SLC35F3: variants seen among roughly 807,000 people sequenced by gnomAD.
SLC35F3 encodes putative thiamine transporter SLC35F3.
Under a neutral mutation model 49.9 loss-of-function variants are expected in SLC35F3, and 25 were observed. The ratio of observed to expected loss-of-function variants is 0.50; its 90% CI spans 0.37 to 0.70. SLC35F3 has a LOEUF of 0.70. Among genes scored for constraint, SLC35F3 ranks in the 30% least tolerant of loss-of-function variants. The probability of loss-of-function intolerance (pLI) is 0.00; values close to 1 mark genes in which losing one functional copy is unlikely to be tolerated. For synonymous variants in SLC35F3, 275 were observed against 265.4 expected (o/e 1.04, Z -0.35); for missense variants, 525 against 639.8 (o/e 0.82, Z 1.94).
intron 2 of SLC35F3, among the ~76,000 whole-genome samples, chr1:234,134,607 G>A (rs72758239): frequency 6.6e-6 from 1 of 151,806 alleles, no homozygotes; most frequent in African/African-American, 2.4e-5. Flanking sequence ...TCTCAACCCT[G>A]CCTGCACATT....
intron 3 of SLC35F3, among the ~76,000 whole-genome samples, chr1:234,245,735 T>C (rs1322176388): frequency 6.6e-6 from 1 of 152,192 alleles, no homozygotes; most frequent in East Asian, 1.9e-4. Flanking sequence ...ATGGGCCACC[T>C]AAGCTGGAGC....
At chr1:234,199,264 G>C (rs189763143) in intron 2 of SLC35F3, among the ~76,000 whole-genome samples, 1 of 152,136 alleles carries the variant, frequency 6.6e-6, no homozygotes, top group African/African-American at 2.4e-5. Context: ...AACAAAAGTC[G>C]TAATGGCACT....
At chr1:234,148,492 A>G (rs1004143990) in intron 2 of SLC35F3, among the ~76,000 whole-genome samples, 1 of 152,210 alleles carries the variant, frequency 6.6e-6, no homozygotes, top group Non-Finnish European at 1.5e-5. Flanking sequence ...CAGAAAATCT[A>G]TACCTCAAAA....
At chr1:233,942,629 G>A (rs1174797336) in intron 2 of SLC35F3, among the ~76,000 whole-genome samples, 1 of 152,070 alleles carries the variant, frequency 6.6e-6, no homozygotes, top group Non-Finnish European at 1.5e-5. Context: ...GCCCAAGCTG[G>A]TCTCAAACTC....
Position 234,046,376 on chromosome 1 carries a change from G to A in SLC35F3, c.283+140618G>A, listed in dbSNP as rs1029227776. The stretch of plus-strand genomic sequence containing the variant: ...TTATTGAGTAATTTTCTGCTTTCTA[G>A]TGAGGGTGACCATATTTTCATATTC... On this transcript the variant is annotated intron_variant, in intron 2 of 7. Transcript: ENST00000366618. This position sits in a 1 kb window ranked among gnomAD's most constrained non-coding sequence, Gnocchi z 4.4. 1.3e-5 allele frequency among the ~76,000 whole-genome samples: 2 copies of A among 152,124 alleles called. No homozygotes were observed. Among genetic ancestry groups the A allele is most frequent in the Admixed American group, 6.6e-5 (1 of 15,258 alleles).
At chr1:234,300,203 C>T (rs1238731601) in intron 3 of SLC35F3, among the ~76,000 whole-genome samples, 3 of 152,166 alleles carry the variant, frequency 2.0e-5, no homozygotes, top group African/African-American at 7.2e-5. Flanking sequence ...AACAGAAACG[C>T]AGTGCTACTG....
chr1:234,065,246 A>C (rs1284503680), intron 2 of SLC35F3, among the ~76,000 whole-genome samples: 2 of 152,086 alleles, frequency 1.3e-5, no homozygotes, highest in African/African-American at 4.8e-5. Context: ...TCCTGGGTTC[A>C]AGGGATTCTC....
intron 2 of SLC35F3, chr1:234,026,714 C>T (rs1214773011): frequency 7.0e-6 from 1 of 143,070 alleles, no homozygotes; most frequent in East Asian, 1.9e-4. Context: ...AAGACCTTGG[C>T]TCCAAAAAAA....
At chr1:234,170,751 AC>A (rs1287271591) in intron 2 of SLC35F3, among the ~76,000 whole-genome samples, 1 of 152,174 alleles carries the variant, frequency 6.6e-6, no homozygotes, top group African/African-American at 2.4e-5. Flanking sequence ...ACCTAACTTA[AC>A]CTAAGGGTGA....
intron 2 of SLC35F3, among the ~76,000 whole-genome samples, chr1:233,928,793 G>A (rs979810443): frequency 2.0e-5 from 3 of 152,080 alleles, no homozygotes; most frequent in African/African-American, 4.8e-5. Context: ...TTCGACTTCC[G>A]AAAATAATGC....
At position 234,309,152 on chromosome 1, in the gene SLC35F3, T is replaced by C; in HGVS notation, c.660T>C (p.Phe220=). The C allele has an allele frequency of 3.7e-6, 6 of 1,614,234 alleles. No individual in the cohort carries two copies. The South Asian group carries it at 6.6e-5, about 18-fold the overall frequency. ...ATGGCTTGACTTTGAAGGTGTTTTT[T>C]ACCAAGGCAGCACCCTTTGGTGTTC... The part of the protein sequence containing the change: ...GDNGLTLKVF[F]TKAAPFGVLW... The change falls in exon 4 of 8, where the codon TTT becomes TTC. Residue 220 remains phenylalanine (F), a synonymous_variant. Transcript: ENST00000366618.
At chr1:234,124,324 T>C (rs1334263792) in intron 2 of SLC35F3, among the ~76,000 whole-genome samples, 1 of 152,204 alleles carries the variant, frequency 6.6e-6, no homozygotes, top group East Asian at 1.9e-4. Context: ...TCAAATGCCT[T>C]CTAATCGGTA....
At chr1:234,182,190 C>G (rs1304792674) in intron 2 of SLC35F3, among the ~76,000 whole-genome samples, 1 of 152,132 alleles carries the variant, frequency 6.6e-6, no homozygotes, top group Admixed American at 6.5e-5. Flanking sequence ...AAGTCCATTA[C>G]AGTTATTATC....
At chr1:233,932,195 A>G (rs1662253990) in intron 2 of SLC35F3, among the ~76,000 whole-genome samples, 1 of 152,190 alleles carries the variant, frequency 6.6e-6, no homozygotes, top group African/African-American at 2.4e-5. Flanking sequence ...TACCTAATGT[A>G]GATGACAGGT....
chr1:234,220,648 G>A (rs1386924350), intron 2 of SLC35F3, among the ~76,000 whole-genome samples: 1 of 152,196 alleles, frequency 6.6e-6, no homozygotes, highest in Non-Finnish European at 1.5e-5. Context: ...CCTAACCACT[G>A]TACCATCTGA....
chr1:234,118,298 C>T (rs2102891662), intron 2 of SLC35F3, among the ~76,000 whole-genome samples: 1 of 152,236 alleles, frequency 6.6e-6, no homozygotes, highest in East Asian at 1.9e-4. Context: ...CCACAGACAT[C>T]AGGCAGGGAC....
intron 3 of SLC35F3, among the ~76,000 whole-genome samples, chr1:234,281,958 G>A (rs566650969): frequency 6.6e-6 from 1 of 152,310 alleles, no homozygotes; most frequent in South Asian, 2.1e-4. Flanking sequence ...CAATGGCTGT[G>A]AGGCTGAGGC....
At chr1:234,079,354 A>C (rs1303943875) in intron 2 of SLC35F3, among the ~76,000 whole-genome samples, 1 of 152,192 alleles carries the variant, frequency 6.6e-6, no homozygotes, top group African/African-American at 2.4e-5. Flanking sequence ...TTAGAAGAAA[A>C]CATAGGAGTA....
intron 2 of SLC35F3, among the ~76,000 whole-genome samples, chr1:234,182,289 A>AGATT (rs145562934): frequency 2.9e-4 from 44 of 152,312 alleles, no homozygotes; most frequent in South Asian, 8.3e-4. Flanking sequence ...TTTGAGAGCT[A>AGATT]GATTGATTGA....
Sources: allele counts gnomAD v4.1 joint callset (sites outside exome capture counted in the v4.1 genomes callset), GRCh38; gene constraint gnomAD v4.1.1; non-coding constraint Gnocchi (gnomAD v3.1); transcripts MANE v1.5; gene names NCBI Gene and HGNC (gene_info 2026-07-23, HGNC 2026-07-21).